The following DNMT1 variants were observed in gnomAD, a reference collection of about 807,000 sequenced individuals.
DNMT1 encodes the protein DNA methyltransferase 1.
A neutral mutation model predicts 205.3 loss-of-function variants in DNMT1; 24 were observed. That is an observed-to-expected ratio of 0.12 (90% CI 0.08 to 0.16). The LOEUF (loss-of-function observed/expected upper bound fraction) is 0.16. Ranked by LOEUF, DNMT1 falls within the 10% of genes least tolerant of loss-of-function variation. The pLI is 1.00. For synonymous variants in DNMT1, 817 were observed against 839.8 expected, an observed-to-expected ratio of 0.97 and a Z score of 0.47; for missense variants, 1,293 against 2,177.7, an observed-to-expected ratio of 0.59 and a Z score of 8.09.
Position 10,154,463 on chromosome 19 carries a change from G to A in DNMT1, c.1849C>T (p.Arg617Trp). ...TLGQRRAQAR[R>W]QTIRHSTREK... ...CTGGTAGAATGCCTGATGGTCTGCC[G>A]CCTCGCCTGGGCTCGCCTACGGGAG... The change falls in exon 22 of 41, where the codon CGG (arginine) becomes TGG (tryptophan). Residue 617 changes from arginine (R) to tryptophan (W), a missense_variant. Arg to Trp is a moderately radical substitution (Grantham distance 101). This residue lies in a region of DNMT1 where 197 missense variants were observed against 353.6 expected (regional missense o/e 0.56). Transcript: ENST00000359526. The surrounding 1 kb of genome is among the most constrained non-coding windows in gnomAD (Gnocchi z 6.3). 1.2e-6 allele frequency: 2 copies of A among 1,614,196 alleles called. No homozygotes were observed. The highest frequency in any genetic ancestry group is 1.7e-6 in the Non-Finnish European group (2 of 1,180,040).
intron 9 of DNMT1, among the ~76,000 whole-genome samples, chr19:10,172,137 C>T (rs940287379): frequency 3.3e-5 from 5 of 151,936 alleles, no homozygotes; most frequent in African/African-American, 1.2e-4. Flanking sequence ...TATTTTAGGC[C>T]GGGTGTGGTG....
In DNMT1 at chr19:10,163,312, T is replaced by C. The variant is rs1269462835; in HGVS notation, c.926+14A>G. 4.3e-6 allele frequency: 7 copies of C among 1,613,646 alleles called. No homozygotes were observed. Among genetic ancestry groups the C allele is most frequent in the East Asian group, 2.2e-5 (1 of 44,880 alleles). On this transcript the variant is annotated intron_variant, in intron 12 of 40. Transcript: ENST00000359526. ...TCCAGATGACACAAAAGCACAAGCA[T>C]TTTAAACACTTACAGATCTTTGGGT...
chr19:10,139,835 G>A lies in DNMT1; in HGVS notation c.3807-18C>T, dbSNP rs900128938. On this transcript the variant is annotated intron_variant, in intron 33 of 40. Transcript: ENST00000359526. ...CGCAGTAGCTGTAGGGGGCAGGAGA[G>A]ACTGCAGGAGTCACCTCCACAGACA... 1.9e-6 allele frequency: 3 copies of A among 1,566,034 alleles called. No individual in the cohort carries two copies. The highest frequency in any genetic ancestry group is 3.9e-5 in the Admixed American group (2 of 51,818).
intron 1 of DNMT1, among the ~76,000 whole-genome samples, chr19:10,183,930 T>G (rs756893341): frequency 6.6e-6 from 1 of 152,116 alleles, no homozygotes; most frequent in Non-Finnish European, 1.5e-5. Flanking sequence ...GGCATGTGCT[T>G]GTGGTCCCAG....
chr19:10,184,122 G>A (rs1441602293), intron 1 of DNMT1, among the ~76,000 whole-genome samples: 2 of 152,214 alleles, frequency 1.3e-5, no homozygotes, highest in African/African-American at 2.4e-5. Flanking sequence ...ATGACCTACA[G>A]CTGGTCTTTC....
chr19:10,161,317 ATAAG>A (rs1249994824), intron 13 of DNMT1, among the ~76,000 whole-genome samples: 6 of 130,706 alleles, frequency 4.6e-5, no homozygotes, highest in South Asian at 5.1e-4. Flanking sequence ...AAACAAATAC[ATAAG>A]TAAATAAATA....
chr19:10,150,065 C>T (rs1239557567), intron 24 of DNMT1, 97 bp from the exon 25 acceptor site: 6 of 1,037,656 alleles, frequency 5.8e-6, no homozygotes, highest in Admixed American at 3.6e-5. Flanking sequence ...AGACATGACT[C>T]GATTTCATTA....
intron 14 of DNMT1, 101 bp from the exon 15 acceptor site, chr19:10,160,164 G>GGAGGCACCGGCTGTGGCAGT (rs2038538752): frequency 3.8e-6 from 6 of 1,590,530 alleles, no homozygotes. Flanking sequence ...TGTGGCACAG[G>GGAGGCACCGGCTGTGGCAGT]GAGGCACCGG....
At chr19:10,169,832 ACAGGTGAGGGATTTCGATCTTGCCC>A (rs2038776252) in intron 9 of DNMT1, among the ~76,000 whole-genome samples, 1 of 152,216 alleles carries the variant, frequency 6.6e-6, no homozygotes, top group South Asian at 2.1e-4. Context: ...GAGTATGCTT[ACAGGTGAGGGATTTCGATCTTGCCC>A]CAGGTTCCTT....
chr19:10,185,843 G>GAAAAAAAAAAAAAAAAAAAAA (rs57377594), intron 1 of DNMT1, among the ~76,000 whole-genome samples: 1 of 70,726 alleles, frequency 1.4e-5, no homozygotes, highest in African/African-American at 4.9e-5. Context: ...TGTCTCAAAA[G>GAAAAAAAAAAAAAAAAAAAAA]AAAAAAAAAA....
intron 26 of DNMT1, 146 bp from the exon 27 acceptor site, chr19:10,149,163 A>C: frequency 8.4e-7 from 1 of 1,196,816 alleles, no homozygotes. Context: ...GTCTCTACTA[A>C]AAATACAAAA....
At chr19:10,190,225 G>A (rs1483619920) in intron 1 of DNMT1, among the ~76,000 whole-genome samples, 1 of 152,174 alleles carries the variant, frequency 6.6e-6, no homozygotes, top group Non-Finnish European at 1.5e-5. Flanking sequence ...AATCAGTTGT[G>A]CAAAGGAGTC....
At chr19:10,170,948 G>A (rs1425306565) in intron 9 of DNMT1, among the ~76,000 whole-genome samples, 2 of 152,018 alleles carry the variant, frequency 1.3e-5, no homozygotes, top group African/African-American at 4.8e-5. Flanking sequence ...CACACTGCCT[G>A]TTGTAAGCTC....
chr19:10,185,864 A>G (rs2039169200), intron 1 of DNMT1, among the ~76,000 whole-genome samples: 2 of 148,624 alleles, frequency 1.3e-5, no homozygotes, highest in Non-Finnish European at 3.0e-5. Context: ...AAAAAAAAAG[A>G]TGCTTTGACA....
At position 10,194,882 on chromosome 19, in the gene DNMT1, G is replaced by A. The variant is rs2039376426; in HGVS notation, c.18C>T (p.Ala6=). MPART[A]PARVPTLAVP... ...CGGCCAGTGTGGGCACCCGGGCTGG[G>A]GCGGTACGCGCCGGCATCTCGGAGG... Residue 6 remains alanine, a synonymous_variant, in exon 1 of 41, where the codon GCC becomes GCT. Coordinates refer to ENST00000359526, the MANE Select transcript of DNMT1 (RefSeq NM_001130823.3). The A allele has an allele frequency of 1.2e-6, 2 of 1,610,110 alleles. No individual in the cohort carries two copies. Among genetic ancestry groups the A allele is most frequent in the Non-Finnish European group, 1.7e-6 (2 of 1,178,714 alleles).
At chr19:10,134,169 C>G (rs199858932) in intron 40 of DNMT1, 48 bp downstream of exon 40, 10 of 1,604,226 alleles carry the variant, frequency 6.2e-6, no homozygotes, top group African/African-American at 4.0e-5. Context: ...ACATGTACCC[C>G]CAGAGGGCAG....
At chr19:10,192,323 C>T (rs2145411990) in intron 1 of DNMT1, among the ~76,000 whole-genome samples, 1 of 152,186 alleles carries the variant, frequency 6.6e-6, no homozygotes, top group African/African-American at 2.4e-5. Flanking sequence ...AAGTTAGCCA[C>T]TAGCATGTGA....
At chr19:10,143,240 G>C (rs559459906) in intron 29 of DNMT1, among the ~76,000 whole-genome samples, 1 of 152,242 alleles carries the variant, frequency 6.6e-6, no homozygotes, top group African/African-American at 2.4e-5. Context: ...CTTTTGAGAC[G>C]GGGTCTGGCT....
At chr19:10,145,934 T>C (rs1006052269) in intron 28 of DNMT1, among the ~76,000 whole-genome samples, 8 of 152,204 alleles carry the variant, frequency 5.3e-5, no homozygotes, top group Non-Finnish European at 1.0e-4. Flanking sequence ...GTTCAAGTGA[T>C]TCTCCTGTCT....
Sources: gnomAD v4.1 joint callset for allele counts (sites outside exome capture counted in the v4.1 genomes callset) on GRCh38, gnomAD v4.1.1 for gene constraint, gnomAD v4.1.1 regional missense constraint, Gnocchi (gnomAD v3.1) non-coding constraint, MANE v1.5 for transcripts, NCBI Gene and HGNC (gene_info 2026-07-23, HGNC 2026-07-21) for gene names.